The following SREBF2 variants were observed in gnomAD, a reference collection of about 807,000 sequenced individuals.
SREBF2 encodes the protein sterol regulatory element-binding protein 2.
SREBF2 carries 55 observed loss-of-function variants against 113.1 expected under a neutral mutation model. The observed-to-expected ratio is 0.49, with a 90% CI of 0.39 to 0.61. The LOEUF (loss-of-function observed/expected upper bound fraction) is 0.61, where lower values mean the gene tolerates loss of function less well. SREBF2 is among the 20% of genes least tolerant of loss of function. The pLI is 0.00. For missense variants in SREBF2, 1,349 were observed against 1,487.4 expected (o/e 0.91, Z 1.53); for synonymous variants, 593 against 605.7 (o/e 0.98, Z 0.31).
intron 5 of SREBF2, among the ~76,000 whole-genome samples, chr22:41,874,414 G>A (rs2077173855): frequency 6.6e-6 from 1 of 152,168 alleles, no homozygotes; most frequent in Middle Eastern, 3.2e-3. Flanking sequence ...GAAAAAAGAG[G>A]TTGAGTCTTT....
intron 11 of SREBF2, among the ~76,000 whole-genome samples, chr22:41,887,062 A>G (rs1365509397): frequency 1.3e-5 from 2 of 151,950 alleles, no homozygotes. Context: ...CATACAAACA[A>G]AAATTAGCTG....
Position 41,905,829 on chromosome 22 carries a change from C to T in SREBF2, c.*169C>T. ...CCCTGGGCAGAGCCCCTTAAAGCTG[C>T]TGTCACTAGATGCCCATGGTCCAGG... On this transcript the variant is annotated 3_prime_UTR_variant, in exon 19 of 19. Coordinates refer to ENST00000361204, the MANE Select transcript of SREBF2 (RefSeq NM_004599.4). The T allele has an allele frequency of 1.3e-6, 1 of 795,962 alleles. No homozygotes were observed. The highest frequency in any genetic ancestry group is 2.1e-6 in the Non-Finnish European group (1 of 465,128). 49.3% of individuals were successfully genotyped at this position (795,962 alleles called of 1,614,324 possible). A position where few individuals can be genotyped will look rare whatever the true frequency, so the allele number is the denominator to read the frequency against.
chr22:41,899,943 G>C, intron 15 of SREBF2: 1 of 1,160,150 alleles, frequency 8.6e-7, no homozygotes, highest in South Asian at 1.9e-5. Context: ...AGTATCTCCA[G>C]AGAGTTTAAT....
In SREBF2 at chr22:41,893,276, A is replaced by G. The variant is rs916802548; in HGVS notation, c.2368A>G (p.Arg790Gly). The G allele has an allele frequency of 1.9e-6, 3 of 1,614,232 alleles. No homozygotes were observed. Among genetic ancestry groups the G allele is most frequent in the Non-Finnish European group, 2.5e-6 (3 of 1,180,044 alleles). The change falls in exon 12 of 19, where the codon AGG becomes GGG. Residue 790 changes from arginine to glycine, a missense_variant. This residue lies in a region of SREBF2 where 650 missense variants were observed against 644.1 expected (regional missense o/e 1.01). Transcript: ENST00000361204. Reference protein sequence around the residue: ...AAKESLYCAQRNPADPIAQVH... With the variant: ...AAKESLYCAQGNPADPIAQVH... ...CAAGGAGAGTCTATACTGTGCCCAG[A>G]GGAACCCAGGTGAGAATACCTTGGA...
intron 4 of SREBF2, among the ~76,000 whole-genome samples, chr22:41,872,075 C>T (rs1735314323): frequency 6.6e-6 from 1 of 151,644 alleles, no homozygotes; most frequent in Admixed American, 6.6e-5. Flanking sequence ...ATGGTGAAAC[C>T]CCGTCTCTGC....
At chr22:41,858,820 C>G (rs5758495) in intron 1 of SREBF2, among the ~76,000 whole-genome samples, 3 of 151,354 alleles carry the variant, frequency 2.0e-5, no homozygotes, top group East Asian at 1.9e-4. Flanking sequence ...CATAGGTGAC[C>G]AAAAAAAGGA....
At chr22:41,864,259 T>C (rs186281608) in intron 1 of SREBF2, among the ~76,000 whole-genome samples, 968 of 65,100 alleles carry the variant, frequency 0.015, 10 homozygotes, top group African/African-American at 0.027. Flanking sequence ...TATATATATA[T>C]ATACACACAC....
chr22:41,905,606 C>T lies in SREBF2; in HGVS notation c.3372C>T (p.Asp1124=), dbSNP rs1167475263. The change falls in exon 19 of 19, where the codon GAC becomes GAT. Residue 1124 remains aspartate, a synonymous_variant. Transcript: ENST00000361204. ...TGGGCGACCGGCGCTCCTGCAACGA[C>T]TGCCAGCAGATGATTGTTAAGCTGG... ...EKVGDRRSCN[D]CQQMIVKLGG... The T allele has an allele frequency of 1.2e-6, 2 of 1,600,304 alleles. No individual in the cohort carries two copies. Among genetic ancestry groups the T allele is most frequent in the Admixed American group, 1.7e-5 (1 of 58,388 alleles).
intron 1 of SREBF2, among the ~76,000 whole-genome samples, chr22:41,855,492 AGCCTGGGT>A (rs2148359840): frequency 6.6e-6 from 1 of 152,298 alleles, no homozygotes; most frequent in Admixed American, 6.5e-5. Context: ...ACTGCACTCC[AGCCTGGGT>A]GACAGAGCGA....
chr22:41,888,847 A>C (rs1312878875), intron 11 of SREBF2, among the ~76,000 whole-genome samples: 1 of 152,252 alleles, frequency 6.6e-6, no homozygotes, highest in Admixed American at 6.5e-5. Flanking sequence ...TCATCTTTAA[A>C]GTAACTGCTC....
rs564278398 is a variant in SREBF2 at position 41,871,188 on chromosome 22, T to C, written c.867+153T>C. Among the ~76,000 whole-genome samples, 6 of 152,286 alleles carry C rather than the reference T, an allele frequency of 3.9e-5. No homozygotes were observed. In the East Asian group the frequency reaches 1.2e-3, roughly 29 times the overall value. ...TGTAAATGTCACCCCTCTTAGTTGT[T>C]TTTCGCTCGAAAAAGTATTAGCAAT... On this transcript the variant is annotated intron_variant, in intron 4 of 18. Coordinates refer to ENST00000361204, the MANE Select transcript of SREBF2 (RefSeq NM_004599.4).
intron 1 of SREBF2, among the ~76,000 whole-genome samples, chr22:41,850,560 T>A (rs12373973): frequency 0.08 from 12,242 of 152,140 alleles, 1,354 homozygotes; most frequent in African/African-American, 0.25. Flanking sequence ...CAAGTTGTGA[T>A]GAGCATAAAT....
rs1465314902 is a variant in SREBF2 at position 41,868,746 on chromosome 22, C to G, written c.674C>G (p.Pro225Arg). The change falls in exon 3 of 19, where the codon CCG (proline) becomes CGG (arginine). Residue 225 changes from proline to arginine, a missense_variant. Around this residue, in one of 2 missense-constraint regions of SREBF2, gnomAD observed 699 missense variants for 843.3 expected, o/e 0.83. Coordinates refer to ENST00000361204, the MANE Select transcript of SREBF2 (RefSeq NM_004599.4). ...AATGGCACGCTGCAGACCCTTGCCC[C>G]GGCTACGGTGCAGACAGTTGCTGCG... ...TANGTLQTLA[P>R]ATVQTVAAPQ... 1.9e-6 allele frequency: 3 copies of G among 1,613,968 alleles called. No individual in the cohort carries two copies. The highest frequency in any genetic ancestry group is 2.2e-5 in the East Asian group (1 of 44,854).
At chr22:41,841,848 GC>G (rs1408306052) in intron 1 of SREBF2, among the ~76,000 whole-genome samples, 2 of 152,304 alleles carry the variant, frequency 1.3e-5, no homozygotes, top group African/African-American at 4.8e-5. Flanking sequence ...AGGTGTAATA[GC>G]CATATAATCT....
intron 7 of SREBF2, 51 bp downstream of exon 7, chr22:41,875,775 A>G: frequency 1.2e-6 from 2 of 1,602,026 alleles, no homozygotes; most frequent in Non-Finnish European, 1.7e-6. Context: ...CATTTCCCCT[A>G]AGAAGATAGC....
At chr22:41,887,214 G>A (rs765791779) in intron 11 of SREBF2, among the ~76,000 whole-genome samples, 2 of 151,022 alleles carry the variant, frequency 1.3e-5, no homozygotes, top group Non-Finnish European at 2.9e-5. Flanking sequence ...GTGAGACTCC[G>A]TCTCAAGAAA....
At chr22:41,872,371 CAAG>C (rs941411273) in intron 4 of SREBF2, among the ~76,000 whole-genome samples, 15 of 151,384 alleles carry the variant, frequency 9.9e-5, no homozygotes, top group Admixed American at 2.0e-4. Flanking sequence ...GCGGTGGTGA[CAAG>C]GAGGGGAGGG....
intron 11 of SREBF2, among the ~76,000 whole-genome samples, chr22:41,891,901 A>C (rs1284852434): frequency 1.3e-5 from 2 of 152,148 alleles, no homozygotes; most frequent in Non-Finnish European, 2.9e-5. Context: ...AGAACTGAAA[A>C]CGTGGTAGAT....
intron 4 of SREBF2, among the ~76,000 whole-genome samples, chr22:41,871,236 G>A (rs1225250432): frequency 6.6e-6 from 1 of 152,180 alleles, no homozygotes; most frequent in East Asian, 1.9e-4. Flanking sequence ...TGGGAGTACT[G>A]GAGTCTACAA....
Sources: gnomAD v4.1 joint callset for allele counts (sites outside exome capture counted in the v4.1 genomes callset) on GRCh38, gnomAD v4.1.1 for gene constraint, gnomAD v4.1.1 regional missense constraint, MANE v1.5 for transcripts, NCBI Gene and HGNC (gene_info 2026-07-23, HGNC 2026-07-21) for gene names.